PTPRM: variants seen among roughly 807,000 people sequenced by gnomAD.
The protein encoded by PTPRM is receptor-type tyrosine-protein phosphatase mu.
PTPRM carries 47 observed loss-of-function variants against 186.7 expected under a neutral mutation model. The observed-to-expected ratio is 0.25, with a 90% CI of 0.20 to 0.32. The LOEUF (loss-of-function observed/expected upper bound fraction) is 0.32. PTPRM is among the 10% of genes least tolerant of loss of function. The probability of loss-of-function intolerance (pLI) is 1.00; values close to 1 mark genes in which losing one functional copy is unlikely to be tolerated. For synonymous variants in PTPRM, 668 were observed against 674.9 expected (o/e 0.99, Z 0.16); for missense variants, 1,494 against 1,865.0 (o/e 0.80, Z 3.66).
At chr18:8,262,603 A>G (rs1488728691) in intron 19 of PTPRM, among the ~76,000 whole-genome samples, 1 of 152,158 alleles carries the variant, frequency 6.6e-6, no homozygotes, top group Non-Finnish European at 1.5e-5. Context: ...GACACAGCTC[A>G]GATGTGACTG....
intron 7 of PTPRM, among the ~76,000 whole-genome samples, chr18:8,066,189 T>G (rs2089059308): frequency 6.6e-6 from 1 of 152,212 alleles, no homozygotes; most frequent in Non-Finnish European, 1.5e-5. Context: ...ATTTGCTTAG[T>G]ATGAGAATTG....
intron 1 of PTPRM, among the ~76,000 whole-genome samples, chr18:7,623,875 A>G (rs1382816459): frequency 6.6e-6 from 1 of 152,192 alleles, no homozygotes; most frequent in East Asian, 1.9e-4. Flanking sequence ...AGGTGGACAC[A>G]GGACTTTCTG....
At chr18:7,842,057 G>A (rs1352166798) in intron 2 of PTPRM, among the ~76,000 whole-genome samples, 2 of 152,070 alleles carry the variant, frequency 1.3e-5, no homozygotes, top group Non-Finnish European at 2.9e-5. Flanking sequence ...AGGGCACCTG[G>A]AGCTGAAGAA....
chr18:7,833,204 G>A (rs2145742936), intron 2 of PTPRM, among the ~76,000 whole-genome samples: 1 of 152,078 alleles, frequency 6.6e-6, no homozygotes, highest in African/African-American at 2.4e-5. Flanking sequence ...AGATTACTTG[G>A]GTAGTGTGGA....
chr18:7,991,585 A>G (rs1251489857), intron 7 of PTPRM, among the ~76,000 whole-genome samples: 1 of 152,198 alleles, frequency 6.6e-6, no homozygotes, highest in Non-Finnish European at 1.5e-5. Flanking sequence ...ATTTTCCTGA[A>G]TGAAAGGAAC....
chr18:7,898,332 T>C (rs1337300142), intron 3 of PTPRM, among the ~76,000 whole-genome samples: 3 of 152,196 alleles, frequency 2.0e-5, no homozygotes, highest in African/African-American at 7.2e-5. Flanking sequence ...ACCAGCACAT[T>C]TTCCTTGGTG....
chr18:8,026,632 G>A (rs1160892816), intron 7 of PTPRM, among the ~76,000 whole-genome samples: 1 of 152,142 alleles, frequency 6.6e-6, no homozygotes, highest in Non-Finnish European at 1.5e-5. Flanking sequence ...CAAAGTGGGT[G>A]GATCACTTGA....
chr18:7,825,954 C>A (rs534956535), intron 2 of PTPRM, among the ~76,000 whole-genome samples: 1 of 152,164 alleles, frequency 6.6e-6, no homozygotes, highest in East Asian at 1.9e-4. Context: ...TTAATCCTCA[C>A]CATATTTATT....
rs147816047 is a variant in PTPRM, at chr18:7,828,475, T to C, written c.196+54204T>C. On this transcript the variant is annotated intron_variant, in intron 2 of 32. Transcript: ENST00000580170. ...AATTCTTAATGCCAAAAAACGTTTG[T>C]CAGAGGGCAAACTGAAACCTGGCAG... 8.6e-4 allele frequency among the ~76,000 whole-genome samples: 130 copies of C among 151,950 alleles called. 1 individual carries two copies. The highest frequency in any genetic ancestry group is 3.1e-3 in the African/African-American group (128 of 41,438).
chr18:7,663,504 A>T (rs958399733), intron 1 of PTPRM, among the ~76,000 whole-genome samples: 7 of 152,292 alleles, frequency 4.6e-5, no homozygotes, highest in Admixed American at 1.3e-4. Flanking sequence ...TTGCACAATC[A>T]GCCACCCCAG....
At chr18:8,244,031 C>G (rs754963939) in intron 14 of PTPRM, 27 bp from the exon 15 acceptor site, 5 of 1,597,154 alleles carry the variant, frequency 3.1e-6, no homozygotes, top group African/African-American at 1.4e-5. Flanking sequence ...AAATGCATGC[C>G]TACATAATTG....
chr18:7,934,055 A>T (rs914041618), intron 5 of PTPRM, among the ~76,000 whole-genome samples: 9 of 152,210 alleles, frequency 5.9e-5, no homozygotes, highest in African/African-American at 2.2e-4. Flanking sequence ...TGGCATCCAC[A>T]TTAAACGTTA....
intron 1 of PTPRM, among the ~76,000 whole-genome samples, chr18:7,687,468 A>C (rs2039629448): frequency 6.6e-6 from 1 of 152,080 alleles, no homozygotes; most frequent in Non-Finnish European, 1.5e-5. Flanking sequence ...ATTTTGATTT[A>C]CTCTAATTTA....
At chr18:8,336,589 A>G (rs1227017535) in intron 22 of PTPRM, among the ~76,000 whole-genome samples, 1 of 146,184 alleles carries the variant, frequency 6.8e-6, no homozygotes. Context: ...AGAGACAGAC[A>G]GAGAGAGAGA....
intron 14 of PTPRM, chr18:8,154,669 G>A (rs1362280011): frequency 1.3e-5 from 2 of 152,168 alleles, no homozygotes; most frequent in Admixed American, 6.5e-5. Flanking sequence ...AGTTGTGGAA[G>A]GTGGGCTTTT....
chr18:7,883,524 T>C (rs9959757), intron 2 of PTPRM, among the ~76,000 whole-genome samples: 11,299 of 152,252 alleles, frequency 0.074, 502 homozygotes, highest in African/African-American at 0.13. Context: ...GTAACTTTAC[T>C]GCAGGTTGCT....
intron 5 of PTPRM, among the ~76,000 whole-genome samples, chr18:7,941,028 C>T (rs1397895352): frequency 1.3e-5 from 2 of 152,160 alleles, no homozygotes; most frequent in Non-Finnish European, 2.9e-5. Context: ...TAAGTAAGTA[C>T]TGGTGACTTT....
chr18:7,918,495 T>A lies in PTPRM; in HGVS notation c.548-8073T>A, dbSNP rs577782256. On this transcript the variant is annotated intron_variant, in intron 4 of 32. Transcript: ENST00000580170. ...TGCATTTCTCTGATGATTAGTGAGGTTGAACATTTTTTTTCCTGTACCTGT... is the reference window on the plus strand; with the variant it reads ...TGCATTTCTCTGATGATTAGTGAGGATGAACATTTTTTTTCCTGTACCTGT... Among the ~76,000 whole-genome samples, 4 of 152,218 alleles carry A rather than the reference T, an allele frequency of 2.6e-5. No individual in the cohort carries two copies. The South Asian group carries it at 8.3e-4, about 32-fold the overall frequency.
intron 2 of PTPRM, among the ~76,000 whole-genome samples, chr18:7,855,452 T>C (rs1475255386): frequency 1.3e-5 from 2 of 152,206 alleles, no homozygotes; most frequent in Non-Finnish European, 2.9e-5. Flanking sequence ...GTGACTTCCA[T>C]GGAACATGCC....
Sources: allele counts gnomAD v4.1 joint callset (sites outside exome capture counted in the v4.1 genomes callset), GRCh38; gene constraint gnomAD v4.1.1; transcripts MANE v1.5; gene names NCBI Gene and HGNC (gene_info 2026-07-23, HGNC 2026-07-21).